TNNI3K: variants seen among roughly 807,000 people sequenced by gnomAD.
TNNI3K encodes TNNI3 interacting kinase, also known as serine/threonine-protein kinase TNNI3K.
A neutral mutation model predicts 114.5 loss-of-function variants in TNNI3K; 140 were observed. The ratio of observed to expected loss-of-function variants is 1.22; its 90% CI spans 1.07 to 1.41. The LOEUF (loss-of-function observed/expected upper bound fraction) is 1.41, where lower values mean the gene tolerates loss of function less well. TNNI3K is among the 40% of genes most tolerant of loss of function. The pLI is 0.00. For synonymous variants in TNNI3K, 347 were observed against 347.5 expected (o/e 1.00, Z 0.02); for missense variants, 1,125 against 1,007.6 (o/e 1.12, Z -1.58).
intron 23 of TNNI3K, among the ~76,000 whole-genome samples, chr1:74,509,005 G>A (rs1323176962): frequency 2.0e-5 from 3 of 152,130 alleles, no homozygotes; most frequent in Admixed American, 6.5e-5. Flanking sequence ...TTCTACCCAC[G>A]GATGGATAAA....
intron 17 of TNNI3K, chr1:74,416,281 G>A: frequency 2.0e-6 from 2 of 985,342 alleles, no homozygotes; most frequent in Non-Finnish European, 2.4e-6. Flanking sequence ...AAAGTCGGGT[G>A]ATAATAAACT....
intron 17 of TNNI3K, among the ~76,000 whole-genome samples, chr1:74,410,972 A>T (rs1664851808): frequency 5.9e-5 from 9 of 152,190 alleles, no homozygotes; most frequent in Admixed American, 5.9e-4. Context: ...AGGGTGGATT[A>T]TTGTGGAAAT....
chr1:74,347,575 C>G (rs926248061), intron 9 of TNNI3K, among the ~76,000 whole-genome samples: 1 of 152,166 alleles, frequency 6.6e-6, no homozygotes, highest in Non-Finnish European at 1.5e-5. Flanking sequence ...GGAATTACCA[C>G]GCCGACTTCC....
intron 23 of TNNI3K, among the ~76,000 whole-genome samples, chr1:74,520,811 G>T (rs138032127): frequency 4.6e-5 from 7 of 152,076 alleles, no homozygotes; most frequent in Non-Finnish European, 2.9e-5. Context: ...AGCTGGGGTG[G>T]GTGTAACAGG....
rs779123322 is a variant in TNNI3K, at chr1:74,416,284, A to G, written c.1773-19796A>G. The G allele has an allele frequency of 3.3e-4, 321 of 985,260 alleles. 1 individual carries two copies. The highest frequency in any genetic ancestry group is 4.7e-4 in the South Asian group (10 of 21,292). 61.0% of individuals were successfully genotyped at this position (985,260 alleles called of 1,614,324 possible). On this transcript the variant is annotated intron_variant, in intron 17 of 24. Transcript: ENST00000326637. ...AGGATTCATAGCAAAGTCGGGTGATAATAAACTTGTATGTCATTGTAGGCA... is the reference window on the plus strand; with the variant it reads ...AGGATTCATAGCAAAGTCGGGTGATGATAAACTTGTATGTCATTGTAGGCA...
chr1:74,263,702 A>T (rs1655806787), intron 4 of TNNI3K, among the ~76,000 whole-genome samples: 1 of 152,016 alleles, frequency 6.6e-6, no homozygotes. Context: ...TCTTCCAAAA[A>T]GTATAAGATT....
At chr1:74,259,339 T>C (rs1215932881) in intron 4 of TNNI3K, among the ~76,000 whole-genome samples, 1 of 152,174 alleles carries the variant, frequency 6.6e-6, no homozygotes, top group Non-Finnish European at 1.5e-5. Context: ...AGAACGAGGA[T>C]CAGTGATGTC....
In TNNI3K at chr1:74,369,101, G is replaced by C. The variant is rs1396719355; in HGVS notation, c.1401G>C (p.Glu467Asp). ...AGCTCTCAGAAATTGAGTTCCATGA[G>C]ATTATTGGCTCAGGTAACCTAAAAT... ...HLQLSEIEFHEIIGSGSFGKV... is the reference protein window; with the variant it reads ...HLQLSEIEFHDIIGSGSFGKV... Residue 467 changes from glutamate to aspartate, a missense_variant, in exon 14 of 25, where the codon GAG becomes GAC. Physicochemically the swap from Glu to Asp is conservative, Grantham distance 45. Coordinates refer to ENST00000326637, the MANE Select transcript of TNNI3K (RefSeq NM_015978.3). 6.2e-7 allele frequency: 1 copy of C among 1,609,788 alleles called. No individual in the cohort carries two copies. The highest frequency in any genetic ancestry group is 2.2e-5 in the East Asian group (1 of 44,730).
intron 5 of TNNI3K, among the ~76,000 whole-genome samples, chr1:74,284,295 G>A (rs544533740): frequency 5.0e-4 from 76 of 152,104 alleles, no homozygotes; most frequent in East Asian, 1.9e-3. Context: ...GTGGATCTCC[G>A]AAGACCCTTT....
At chr1:74,341,333 TA>T (rs1660736085) in intron 7 of TNNI3K, among the ~76,000 whole-genome samples, 5 of 152,132 alleles carry the variant, frequency 3.3e-5, no homozygotes, top group Admixed American at 2.6e-4. Context: ...GGTTAAGTAA[TA>T]TTTATTAAAT....
intron 23 of TNNI3K, among the ~76,000 whole-genome samples, chr1:74,536,444 T>A (rs796633804): frequency 6.5e-4 from 99 of 152,310 alleles, no homozygotes; most frequent in African/African-American, 1.9e-3. Context: ...AAATATTTTT[T>A]AAAAATTTGT....
chr1:74,319,708 A>G (rs1441362935), intron 5 of TNNI3K, among the ~76,000 whole-genome samples: 1 of 152,162 alleles, frequency 6.6e-6, no homozygotes, highest in Non-Finnish European at 1.5e-5. Context: ...TTCAATATGT[A>G]TTCTCTGATG....
At chr1:74,498,119 A>G (rs1669427287) in intron 23 of TNNI3K, among the ~76,000 whole-genome samples, 1 of 152,240 alleles carries the variant, frequency 6.6e-6, no homozygotes, top group Non-Finnish European at 1.5e-5. Flanking sequence ...ATTATCTTAC[A>G]CAAAATGACA....
chr1:74,421,042 G>T (rs1363611262), intron 17 of TNNI3K, among the ~76,000 whole-genome samples: 1 of 152,072 alleles, frequency 6.6e-6, no homozygotes, highest in Non-Finnish European at 1.5e-5. Flanking sequence ...GGAACACTAG[G>T]AATAAGTGGG....
intron 5 of TNNI3K, among the ~76,000 whole-genome samples, chr1:74,315,750 C>A (rs971338074): frequency 6.6e-6 from 1 of 151,938 alleles, no homozygotes; most frequent in Non-Finnish European, 1.5e-5. Context: ...AATATGTAAA[C>A]CTTAAGAGTT....
At chr1:74,376,965 G>A (rs1662939294) in intron 17 of TNNI3K, 1 of 151,972 alleles carries the variant, frequency 6.6e-6, no homozygotes, top group Non-Finnish European at 1.5e-5. Flanking sequence ...CTAGTGCAGT[G>A]GTTCTCAGTT....
intron 23 of TNNI3K, among the ~76,000 whole-genome samples, chr1:74,498,347 C>T (rs954599993): frequency 3.3e-5 from 5 of 152,144 alleles, no homozygotes; most frequent in Non-Finnish European, 7.4e-5. Context: ...GGGGGCTACC[C>T]CATCTCGATT....
At chr1:74,521,259 C>A (rs974332237) in intron 23 of TNNI3K, among the ~76,000 whole-genome samples, 1 of 152,018 alleles carries the variant, frequency 6.6e-6, no homozygotes. Flanking sequence ...GCGATCTTGC[C>A]CAAGCTCATT....
At chr1:74,370,572 C>A in intron 17 of TNNI3K, 180 bp downstream of exon 17, 1 of 409,008 alleles carries the variant, frequency 2.4e-6, no homozygotes, top group Non-Finnish European at 4.3e-6. Flanking sequence ...GAGTAGAAAG[C>A]TGTATAACTG....
Sources: allele counts gnomAD v4.1 joint callset (sites outside exome capture counted in the v4.1 genomes callset), GRCh38; gene constraint gnomAD v4.1.1; transcripts MANE v1.5; gene names NCBI Gene and HGNC (gene_info 2026-07-23, HGNC 2026-07-21).